NLRP5: variants seen among roughly 807,000 people sequenced by gnomAD.
NLRP5 encodes NLR family pyrin domain containing 5.
NLRP5 carries 93 observed loss-of-function variants against 113.1 expected under a neutral mutation model. The ratio of observed to expected loss-of-function variants is 0.82; its 90% CI spans 0.70 to 0.98. NLRP5 has a LOEUF of 0.98. Ranked by LOEUF, NLRP5 falls within the 50% of genes least tolerant of loss-of-function variation. The pLI, the probability that NLRP5 is intolerant of heterozygous loss-of-function variation, is 0.00. For synonymous variants in NLRP5, 751 were observed against 600.7 expected (o/e 1.25, Z -3.66); for missense variants, 1,808 against 1,514.3 (o/e 1.19, Z -3.22).
upstream of NLRP5, among the ~76,000 whole-genome samples, chr19:55,995,678 G>T (rs890929340): frequency 6.6e-6 from 1 of 152,130 alleles, no homozygotes; most frequent in Admixed American, 6.6e-5. Context: ...ATTGTTTTGG[G>T]TAGGATGGCC....
the NLRP5 span, among the ~76,000 whole-genome samples, chr19:55,992,065 C>G: frequency 0.23 from 35,614 of 151,996 alleles, 4,399 homozygotes; most frequent in Non-Finnish European, 0.26. Flanking sequence ...TGGTTCCCCT[C>G]TTTGTGTCCA....
At chr19:56,061,353 G>A (rs570404613) in intron 14 of NLRP5, 43 bp from the exon 15 acceptor site, 59 of 1,597,722 alleles carry the variant, frequency 3.7e-5, no homozygotes, top group East Asian at 3.4e-4. Flanking sequence ...GAGAAGAGTC[G>A]AAAGCAACAT....
intron 7 of NLRP5, among the ~76,000 whole-genome samples, chr19:56,030,502 CAG>C (rs1466380334): frequency 6.6e-6 from 1 of 152,074 alleles, no homozygotes; most frequent in East Asian, 1.9e-4. Flanking sequence ...GAGCTCATGT[CAG>C]TGCAGAAAGA....
chr19:56,038,017 C>T lies in NLRP5; in HGVS notation c.2616-8C>T, dbSNP rs1307315938. The T allele has an allele frequency of 1.2e-6, 2 of 1,613,784 alleles. No homozygotes were observed. The highest frequency in any genetic ancestry group is 1.7e-4 in the Middle Eastern group (1 of 6,010). The stretch of plus-strand genomic sequence containing the variant: ...GCTGGGATTGCTTCATGCTGCCTGT[C>T]TCTGCAGGCTGGATTGCTGTGGATT... On this transcript the variant is annotated splice_region_variant and splice_polypyrimidine_tract_variant and intron_variant, in intron 9 of 14. Transcript: ENST00000390649.
the NLRP5 span, chr19:55,987,808 C>T: frequency 3.7e-6 from 6 of 1,609,378 alleles, no homozygotes; most frequent in South Asian, 1.1e-5. Flanking sequence ...CTTTACCTCC[C>T]TCCAGCTGTA....
chr19:56,032,570 C>T, intron 7 of NLRP5, 41 bp from the exon 8 acceptor site: 1 of 1,569,836 alleles, frequency 6.4e-7, no homozygotes, highest in South Asian at 1.1e-5. Context: ...TCATGTTAAA[C>T]TCCATCCCAT....
At position 56,041,063 on chromosome 19, in the gene NLRP5, G is replaced by T; in HGVS notation, c.2928G>T (p.Arg976Ser). 1 of 1,613,950 alleles carries T rather than the reference G, an allele frequency of 6.2e-7. No individual in the cohort carries two copies. The highest frequency in any genetic ancestry group is 8.5e-7 in the Non-Finnish European group (1 of 1,179,874). ...TAAATCTACTGTGTCGATCCATGAG[G>T]CTTCCCCACTGTAGTCTGCAGAGGC... The change falls in exon 11 of 15, where the codon AGG becomes AGT. Residue 976 changes from arginine (R) to serine (S), a missense_variant. By Grantham distance (110) the Arg-to-Ser change is moderately radical. Transcript: ENST00000390649.
At chr19:56,043,846 G>A (rs1983619654) in intron 11 of NLRP5, among the ~76,000 whole-genome samples, 2 of 150,690 alleles carry the variant, frequency 1.3e-5, no homozygotes, top group South Asian at 2.2e-4. Flanking sequence ...CAAAGTGCTG[G>A]GATTACAGGC....
intron 11 of NLRP5, among the ~76,000 whole-genome samples, chr19:56,048,711 G>A (rs1325837822): frequency 2.0e-5 from 3 of 152,168 alleles, no homozygotes; most frequent in Admixed American, 2.0e-4. Context: ...AGATCTTTTT[G>A]TGATTAATTT....
rs1568481380 is a variant in NLRP5, at chr19:56,005,106, A to AT, written c.442+1011_442+1012insT. 1.3e-3 allele frequency among the ~76,000 whole-genome samples: 158 copies of AT among 120,938 alleles called. 4 individuals are homozygous for AT. Among genetic ancestry groups the AT allele is most frequent in the South Asian group, 0.012 (42 of 3,564 alleles). 79.3% of individuals were successfully genotyped at this position (120,938 alleles called of 152,430 possible). On this transcript the variant is annotated intron_variant, in intron 2 of 14. Coordinates refer to ENST00000390649, the MANE Select transcript of NLRP5 (RefSeq NM_153447.4). ...GAGACTGTGTCTCAAAAAAAAAAAA[A>AT]AATATATATATATATATATAATATA...
intron 11 of NLRP5, among the ~76,000 whole-genome samples, chr19:56,047,556 G>A (rs1983774931): frequency 6.6e-6 from 1 of 152,122 alleles, no homozygotes; most frequent in South Asian, 2.1e-4. Flanking sequence ...TTTTGGAGTT[G>A]ATTTCCAGTT....
At chr19:56,001,261 G>A (rs1981636233) in intron 1 of NLRP5, among the ~76,000 whole-genome samples, 1 of 145,800 alleles carries the variant, frequency 6.9e-6, no homozygotes, top group African/African-American at 2.5e-5. Flanking sequence ...GGAGTTCGAG[G>A]CTGCAGTGAG....
chr19:56,054,992 C>CTTTTTTTT (rs869165472), intron 13 of NLRP5, among the ~76,000 whole-genome samples: 1 of 62,374 alleles, frequency 1.6e-5, no homozygotes, highest in African/African-American at 7.0e-5. Flanking sequence ...CACCCCTCCC[C>CTTTTTTTT]TTTTTTTTTT....
At chr19:56,047,822 T>C (rs985874376) in intron 11 of NLRP5, among the ~76,000 whole-genome samples, 1 of 152,234 alleles carries the variant, frequency 6.6e-6, no homozygotes, top group African/African-American at 2.4e-5. Context: ...TAGTGGAGTA[T>C]TGAAGTCCCC....
chr19:56,056,090 A>C (rs1052772872), intron 13 of NLRP5, among the ~76,000 whole-genome samples: 1 of 152,140 alleles, frequency 6.6e-6, no homozygotes, highest in Admixed American at 6.6e-5. Flanking sequence ...ACCTGAGTCA[A>C]TTTCACAACA....
rs369622191 is a variant in NLRP5 at position 56,043,542 on chromosome 19, CTTTTTTTTTTTTTTTTTTTTTTTTTT to C, written c.2957+2466_2957+2491del. Among the ~76,000 whole-genome samples the C allele has an allele frequency of 1.4e-4, 13 of 92,962 alleles. No homozygotes were observed. In the East Asian group the frequency reaches 2.8e-3, roughly 20 times the overall value. The allele number at this position is 92,962 out of a possible 152,430, so 61.0% of individuals were successfully genotyped here. On this transcript the variant is annotated intron_variant, in intron 11 of 14. Coordinates refer to ENST00000390649, the MANE Select transcript of NLRP5 (RefSeq NM_153447.4). ...TGGATTGTCTGTTTACTCTGCTATT[CTTTTTTTTTTTTTTTTTTTTTTTTTT>C]TTTTTTTTTTTTTTTGAGATGGAGT...
At chr19:56,028,798 C>T (rs1030405316) in intron 7 of NLRP5, among the ~76,000 whole-genome samples, 7 of 152,160 alleles carry the variant, frequency 4.6e-5, no homozygotes, top group Non-Finnish European at 1.0e-4. Context: ...CAGAGTCTCA[C>T]TCTGTTGCCA....
chr19:56,001,159 CT>C (rs34070550), intron 1 of NLRP5, among the ~76,000 whole-genome samples: 48,748 of 141,888 alleles, frequency 0.34, 8,759 homozygotes, highest in African/African-American at 0.45. Context: ...CTTGTCTCTA[CT>C]TTTTTTTTTT....
intron 7 of NLRP5, among the ~76,000 whole-genome samples, chr19:56,031,017 T>A (rs943783763): frequency 6.6e-5 from 10 of 151,910 alleles, no homozygotes; most frequent in Non-Finnish European, 1.5e-5. Context: ...CGGCCTCTAT[T>A]TTTCTTTTAT....
Sources: gnomAD v4.1 joint callset for allele counts (sites outside exome capture counted in the v4.1 genomes callset) on GRCh38, gnomAD v4.1.1 for gene constraint, MANE v1.5 for transcripts, NCBI Gene and HGNC (gene_info 2026-07-23, HGNC 2026-07-21) for gene names.